The following FRMD4A variants were observed in gnomAD, a reference collection of about 807,000 sequenced individuals.
The protein encoded by FRMD4A is FERM domain-containing protein 4A.
A neutral mutation model predicts 129.1 loss-of-function variants in FRMD4A; 29 were observed. The ratio of observed to expected loss-of-function variants is 0.22; its 90% CI spans 0.17 to 0.31. FRMD4A has a LOEUF of 0.31. Ranked by LOEUF, FRMD4A falls within the 10% of genes least tolerant of loss-of-function variation. FRMD4A has a pLI of 1.00. For synonymous variants in FRMD4A, 634 were observed against 571.6 expected (o/e 1.11, Z -1.56); for missense variants, 1,272 against 1,375.8 (o/e 0.92, Z 1.19).
At chr10:13,803,507 A>T (rs1004292452) in intron 4 of FRMD4A, among the ~76,000 whole-genome samples, 15 of 149,578 alleles carry the variant, frequency 1.0e-4, no homozygotes, top group African/African-American at 1.2e-4. Context: ...AATTAAACAA[A>T]TTTTTTTTTT....
At chr10:13,836,385 C>T (rs1032126748) in intron 3 of FRMD4A, among the ~76,000 whole-genome samples, 5 of 152,182 alleles carry the variant, frequency 3.3e-5, no homozygotes, top group African/African-American at 7.2e-5. Flanking sequence ...GGTCACACCA[C>T]AGCCCAAAGC....
chr10:14,185,461 T>G (rs116813370), intron 2 of FRMD4A, among the ~76,000 whole-genome samples: 1 of 152,200 alleles, frequency 6.6e-6, no homozygotes, highest in African/African-American at 2.4e-5. Flanking sequence ...CAGAAATTAG[T>G]ACAAAAAACA....
chr10:14,201,666 TGC>T (rs1387456932), intron 2 of FRMD4A, among the ~76,000 whole-genome samples: 3 of 152,348 alleles, frequency 2.0e-5, no homozygotes, highest in African/African-American at 7.2e-5. Flanking sequence ...CTTCAGCTGT[TGC>T]CAAACCCAAC....
intron 2 of FRMD4A, among the ~76,000 whole-genome samples, chr10:14,017,024 C>G (rs2095701405): frequency 6.6e-6 from 1 of 152,194 alleles, no homozygotes; most frequent in Non-Finnish European, 1.5e-5. Context: ...CACATCTGGT[C>G]TTGATATGAT....
chr10:14,186,904 G>A (rs1589144001), intron 2 of FRMD4A, among the ~76,000 whole-genome samples: 1 of 151,350 alleles, frequency 6.6e-6, no homozygotes, highest in African/African-American at 2.4e-5. Flanking sequence ...AAGACTGCTT[G>A]AGCCCAGGAG....
chr10:14,239,597 A>T (rs1329348368), intron 2 of FRMD4A, among the ~76,000 whole-genome samples: 16 of 152,112 alleles, frequency 1.1e-4, no homozygotes, highest in Admixed American at 3.3e-4. Flanking sequence ...ACTGCACTCC[A>T]GCCTGGGCGA....
At chr10:13,847,546 T>C (rs975392566) in intron 3 of FRMD4A, among the ~76,000 whole-genome samples, 11 of 151,002 alleles carry the variant, frequency 7.3e-5, no homozygotes, top group African/African-American at 2.7e-4. Flanking sequence ...CTCCCTTCCT[T>C]CCTTCCACTG....
At chr10:14,004,828 C>T (rs2095656037) in intron 2 of FRMD4A, among the ~76,000 whole-genome samples, 1 of 152,038 alleles carries the variant, frequency 6.6e-6, no homozygotes, top group Non-Finnish European at 1.5e-5. Context: ...TCGTAAATAG[C>T]AAATAGACAA....
intron 2 of FRMD4A, among the ~76,000 whole-genome samples, chr10:14,024,936 G>T (rs1832920231): frequency 6.6e-6 from 1 of 152,228 alleles, no homozygotes; most frequent in African/African-American, 2.4e-5. Flanking sequence ...GTCGAACGGG[G>T]GCAGTGGGTC....
chr10:13,699,406 T>G (rs979592693), intron 14 of FRMD4A, among the ~76,000 whole-genome samples: 1 of 152,082 alleles, frequency 6.6e-6, no homozygotes, highest in Non-Finnish European at 1.5e-5. Flanking sequence ...ATACTTGCTG[T>G]GTCAGTGAGT....
At chr10:13,744,864 C>T (rs1052456438) in intron 9 of FRMD4A, among the ~76,000 whole-genome samples, 1 of 152,204 alleles carries the variant, frequency 6.6e-6, no homozygotes, top group South Asian at 2.1e-4. Flanking sequence ...TGCACCTGCT[C>T]TCTCTTCATT....
intron 2 of FRMD4A, among the ~76,000 whole-genome samples, chr10:14,075,509 C>T (rs1254625154): frequency 1.3e-5 from 2 of 152,160 alleles, no homozygotes; most frequent in Admixed American, 1.3e-4. Flanking sequence ...TGTCGTTGCT[C>T]CTTCCAACAT....
At chr10:13,867,657 A>G (rs1482870800) in intron 2 of FRMD4A, among the ~76,000 whole-genome samples, 1 of 133,094 alleles carries the variant, frequency 7.5e-6, no homozygotes, top group Non-Finnish European at 1.5e-5. Context: ...TAATAAATAT[A>G]TAATATATAA....
At chr10:13,848,608 ACGTGTGTGTG>A (rs1254720964) in intron 3 of FRMD4A, among the ~76,000 whole-genome samples, 15 of 69,694 alleles carry the variant, frequency 2.2e-4, no homozygotes, top group African/African-American at 7.0e-4. Flanking sequence ...GTGTGTGTGT[ACGTGTGTGTG>A]TGTGTGTGTG....
chr10:14,143,761 C>T (rs1839948428), intron 2 of FRMD4A, among the ~76,000 whole-genome samples: 1 of 151,844 alleles, frequency 6.6e-6, no homozygotes, highest in Non-Finnish European at 1.5e-5. Flanking sequence ...ATTACAGGTA[C>T]CCACCATCAT....
intron 2 of FRMD4A, among the ~76,000 whole-genome samples, chr10:14,132,461 C>G (rs1839311056): frequency 1.3e-5 from 2 of 152,280 alleles, no homozygotes; most frequent in South Asian, 4.1e-4. Flanking sequence ...TGGGAGCAGA[C>G]AGCAAGCTGT....
chr10:13,798,969 C>T (rs748167343), intron 4 of FRMD4A, among the ~76,000 whole-genome samples: 2 of 152,092 alleles, frequency 1.3e-5, no homozygotes, highest in Admixed American at 6.6e-5. Flanking sequence ...CAGTGAGGTC[C>T]GGCCCATCCC....
At chr10:14,174,552 T>TCATG (rs1475248765) in intron 2 of FRMD4A, among the ~76,000 whole-genome samples, 1 of 151,896 alleles carries the variant, frequency 6.6e-6, no homozygotes, top group African/African-American at 2.4e-5. Context: ...ATTCATTCAT[T>TCATG]CATTCATTCA....
chr10:14,055,794 G>A (rs1223534427), intron 2 of FRMD4A, among the ~76,000 whole-genome samples: 10 of 152,192 alleles, frequency 6.6e-5, no homozygotes, highest in African/African-American at 9.7e-5. Context: ...GGAGAATGGG[G>A]TGTCCAACCC....
Sources: allele counts gnomAD v4.1 joint callset (sites outside exome capture counted in the v4.1 genomes callset), GRCh38; gene constraint gnomAD v4.1.1; transcripts MANE v1.5; gene names NCBI Gene and HGNC (gene_info 2026-07-23, HGNC 2026-07-21).